The following CCN4 variants were observed in gnomAD, a reference collection of about 807,000 sequenced individuals.
The protein encoded by CCN4 is cellular communication network factor 4.
A neutral mutation model predicts 36.7 loss-of-function variants in CCN4; 30 were observed. The observed-to-expected ratio is 0.82, with a 90% CI of 0.61 to 1.11. The LOEUF is 1.11. Ranked by LOEUF, CCN4 falls within the 50% of genes least tolerant of loss-of-function variation. CCN4 has a pLI of 0.00. For missense variants in CCN4, 505 were observed against 504.9 expected (o/e 1.00, Z 0.00); for synonymous variants, 191 against 195.4 (o/e 0.98, Z 0.19).
intron 3 of CCN4, among the ~76,000 whole-genome samples, chr8:133,224,689 C>G (rs1031219013): frequency 6.6e-6 from 1 of 152,036 alleles, no homozygotes; most frequent in Admixed American, 6.6e-5. Context: ...AATCCCAACA[C>G]TTTGGAAGGC....
intron 2 of CCN4, among the ~76,000 whole-genome samples, chr8:133,215,775 G>A (rs11774069): frequency 0.43 from 64,937 of 151,878 alleles, 14,437 homozygotes; most frequent in Middle Eastern, 0.55. Flanking sequence ...TAGATTTTAC[G>A]CCTACCAGTG....
At chr8:133,213,919 G>T (rs1292825226) in intron 2 of CCN4, among the ~76,000 whole-genome samples, 1 of 10,460 alleles carries the variant, frequency 9.6e-5, no homozygotes, top group African/African-American at 2.5e-4. Context: ...ATATATAGTA[G>T]TTATATATAC....
At chr8:133,208,108 T>A (rs1353728482) in intron 1 of CCN4, among the ~76,000 whole-genome samples, 1 of 151,898 alleles carries the variant, frequency 6.6e-6, no homozygotes, top group African/African-American at 2.4e-5. Context: ...GTGTTGGGCA[T>A]AAGCAAGCCA....
chr8:133,208,162 G>A (rs1005814721), intron 1 of CCN4, among the ~76,000 whole-genome samples: 2 of 152,108 alleles, frequency 1.3e-5, no homozygotes, highest in African/African-American at 4.8e-5. Flanking sequence ...CAGTCACTGT[G>A]CAGAAGACAA....
intron 3 of CCN4, among the ~76,000 whole-genome samples, chr8:133,223,764 G>A (rs532096513): frequency 1.3e-4 from 20 of 152,094 alleles, no homozygotes; most frequent in Middle Eastern, 6.8e-3. Context: ...ATGCACATGT[G>A]TGTTTGGATG....
In CCN4 at chr8:133,220,675, C is replaced by T. The variant is rs755626224; in HGVS notation, c.444C>T (p.Asp148=). Residue 148 remains aspartate (D), a synonymous_variant, in exon 3 of 5, where the codon GAC becomes GAT. Transcript: ENST00000250160. ...GCAAGTACAACTGCACGTGCATCGACGGCGCGGTGGGCTGCACACCACTGT... is the reference window on the plus strand; with the variant it reads ...GCAAGTACAACTGCACGTGCATCGATGGCGCGGTGGGCTGCACACCACTGT... ...PNCKYNCTCI[D]GAVGCTPLCL... The T allele has an allele frequency of 9.9e-6, 16 of 1,613,958 alleles. No homozygotes were observed. The highest frequency in any genetic ancestry group is 1.6e-4 in the Middle Eastern group (1 of 6,084).
rs990676816 is a variant in CCN4, at chr8:133,231,027, A to T, written c.*3317A>T. The T allele has an allele frequency of 6.6e-6, 1 of 152,162 alleles. No homozygotes were observed. The highest frequency in any genetic ancestry group is 6.6e-5 in the Admixed American group (1 of 15,266). The allele number at this position is 152,162 out of a possible 1,614,324, so 9.4% of individuals were successfully genotyped here. A position where few individuals can be genotyped will look rare whatever the true frequency, so the allele number is the denominator to read the frequency against. ...CTACGCCTAGTTATTCTGTCCCCCA[A>T]ATCAAAAGGCATGACCTTTATAAGA... On this transcript the variant is annotated 3_prime_UTR_variant, in exon 5 of 5. Transcript: ENST00000250160.
chr8:133,210,144 T>C (rs72731528), intron 1 of CCN4, among the ~76,000 whole-genome samples: 49,643 of 152,048 alleles, frequency 0.33, 9,714 homozygotes, highest in Non-Finnish European at 0.44. Flanking sequence ...TGCTCTGTGC[T>C]GTGTTTCAGG....
chr8:133,194,750 TGGGGTATGTGCCTGG>T (rs1853299215), intron 1 of CCN4, among the ~76,000 whole-genome samples: 2 of 92,530 alleles, frequency 2.2e-5, no homozygotes, highest in Non-Finnish European at 3.9e-5. Context: ...GGTGTGTTTG[TGGGGTATGTGCCTGG>T]GGTGTGTGGG....
rs1326832839 is a variant in CCN4 at position 133,230,803 on chromosome 8, C to T, written c.*3093C>T. On this transcript the variant is annotated 3_prime_UTR_variant, in exon 5 of 5. Coordinates refer to ENST00000250160, the MANE Select transcript of CCN4 (RefSeq NM_003882.4). ...CCTTATCATAAGCATTTTTTGAGCG[C>T]TTAGCATACACCAAGCCTTGTGGAA... The T allele has an allele frequency of 1.3e-5, 2 of 152,212 alleles. No homozygotes were observed. The highest frequency in any genetic ancestry group is 1.3e-4 in the Admixed American group (2 of 15,278). The allele number at this position is 152,212 out of a possible 1,614,324, so 9.4% of individuals were successfully genotyped here. A position where few individuals can be genotyped will look rare whatever the true frequency, so the allele number is the denominator to read the frequency against.
In CCN4 at chr8:133,195,275, T is replaced by G. The variant is rs1853336357; in HGVS notation, c.69+4062T>G. 2.7e-5 allele frequency among the ~76,000 whole-genome samples: 4 copies of G among 149,708 alleles called. No homozygotes were observed. In the South Asian group the frequency reaches 8.5e-4, roughly 32 times the overall value. Reference sequence around the variant, plus strand: ...GTGGTGTGTTTTTGTAGTGTGTGGGTGGTGTGTGTGTGTTGAGTGTGTATG... The same window carrying G: ...GTGGTGTGTTTTTGTAGTGTGTGGGGGGTGTGTGTGTGTTGAGTGTGTATG... On this transcript the variant is annotated intron_variant, in intron 1 of 4. Coordinates refer to ENST00000250160, the MANE Select transcript of CCN4 (RefSeq NM_003882.4).
chr8:133,213,241 C>T, intron 2 of CCN4, 98 bp downstream of exon 2: 1 of 1,423,060 alleles, frequency 7.0e-7, no homozygotes, highest in Non-Finnish European at 9.6e-7. Context: ...TTTCACCTGG[C>T]CAGGCTTCCG....
At chr8:133,214,494 C>T (rs559519143) in intron 2 of CCN4, among the ~76,000 whole-genome samples, 174 of 149,690 alleles carry the variant, frequency 1.2e-3, no homozygotes, top group Non-Finnish European at 2.0e-3. Context: ...CTGATATCCT[C>T]CTGTTTGGAG....
At chr8:133,197,094 G>A (rs969170750) in intron 1 of CCN4, among the ~76,000 whole-genome samples, 4 of 150,662 alleles carry the variant, frequency 2.7e-5, no homozygotes, top group African/African-American at 4.9e-5. Context: ...GATGATGATG[G>A]TGGTGGTGGT....
Position 133,212,298 on chromosome 8 carries a change from C to T in CCN4, c.70-566C>T, listed in dbSNP as rs143335565. Among the ~76,000 whole-genome samples the T allele has an allele frequency of 7.7e-3, 1,173 of 152,216 alleles. 14 individuals are homozygous for T. Among genetic ancestry groups the T allele is most frequent in the African/African-American group, 0.027 (1,125 of 41,522 alleles). On this transcript the variant is annotated intron_variant, in intron 1 of 4. Coordinates refer to ENST00000250160, the MANE Select transcript of CCN4 (RefSeq NM_003882.4). Reference sequence around the variant, plus strand: ...AGGAGCTATAAAGTTGAATACCTGCCGCTGCACCACGCCAGCCCTTTCCGG... The same window carrying T: ...AGGAGCTATAAAGTTGAATACCTGCTGCTGCACCACGCCAGCCCTTTCCGG...
At chr8:133,202,348 C>T (rs1481267510) in intron 1 of CCN4, among the ~76,000 whole-genome samples, 1 of 152,184 alleles carries the variant, frequency 6.6e-6, no homozygotes, top group Non-Finnish European at 1.5e-5. Flanking sequence ...ATGCGGTTGC[C>T]TGTTTTACGT....
At chr8:133,211,521 C>T (rs6992383) in intron 1 of CCN4, among the ~76,000 whole-genome samples, 104,047 of 152,118 alleles carry the variant, frequency 0.68, 36,458 homozygotes, top group African/African-American at 0.86. Context: ...TCTGTCTCTT[C>T]GGGTCTTGCC....
chr8:133,224,922 T>G (rs1854672221), intron 3 of CCN4, among the ~76,000 whole-genome samples: 1 of 138,124 alleles, frequency 7.2e-6, no homozygotes. Flanking sequence ...GCAACAAGAG[T>G]GAAACTCTGT....
At chr8:133,198,230 G>A (rs1179145781) in intron 1 of CCN4, among the ~76,000 whole-genome samples, 1 of 152,116 alleles carries the variant, frequency 6.6e-6, no homozygotes, top group Admixed American at 6.6e-5. Context: ...AGGGGTTGTC[G>A]GCACCCAAAA....
Sources: gnomAD v4.1 joint callset for allele counts (sites outside exome capture counted in the v4.1 genomes callset) on GRCh38, gnomAD v4.1.1 for gene constraint, MANE v1.5 for transcripts, NCBI Gene and HGNC (gene_info 2026-07-23, HGNC 2026-07-21) for gene names.